Variants in SLC38A1 observed in about 807,000 individuals in gnomAD.
SLC38A1 encodes the protein solute carrier family 38 member 1, also known as sodium-coupled neutral amino acid symporter 1.
In SLC38A1, 18 loss-of-function variants were observed where a neutral mutation model predicts 60.3. The observed-to-expected ratio is 0.30, with a 90% CI of 0.21 to 0.44. The LOEUF (loss-of-function observed/expected upper bound fraction) is 0.44, where lower values mean the gene tolerates loss of function less well. SLC38A1 is among the 20% of genes least tolerant of loss of function. The pLI, the probability that SLC38A1 is intolerant of heterozygous loss-of-function variation, is 1.00. For synonymous variants in SLC38A1, 196 were observed against 212.1 expected (o/e 0.92, Z 0.66); for missense variants, 448 against 587.2 (o/e 0.76, Z 2.45).
At chr12:46,196,986 TA>T (rs1565750401) in intron 16 of SLC38A1, among the ~76,000 whole-genome samples, 1 of 152,206 alleles carries the variant, frequency 6.6e-6, no homozygotes, top group Non-Finnish European at 1.5e-5. Context: ...ACATTTTAAT[TA>T]AGGCATTGCA....
At chr12:46,261,529 T>C (rs1033204587) in intron 1 of SLC38A1, among the ~76,000 whole-genome samples, 2 of 152,128 alleles carry the variant, frequency 1.3e-5, no homozygotes, top group African/African-American at 4.8e-5. Flanking sequence ...CTGCAGACAA[T>C]ATATTCAGTG....
At chr12:46,251,555 G>T (rs1177971697) in intron 1 of SLC38A1, among the ~76,000 whole-genome samples, 2 of 152,154 alleles carry the variant, frequency 1.3e-5, no homozygotes, top group Admixed American at 1.3e-4. Flanking sequence ...AGAGTGAACA[G>T]GCAACCTACA....
At chr12:46,213,323 C>G (rs932393714) in intron 5 of SLC38A1, among the ~76,000 whole-genome samples, 4 of 152,160 alleles carry the variant, frequency 2.6e-5, no homozygotes, top group African/African-American at 9.7e-5. Flanking sequence ...ATCTTGTGTA[C>G]TTTTTTTGTC....
chr12:46,248,862 G>A (rs1309067833), intron 1 of SLC38A1, among the ~76,000 whole-genome samples: 1 of 152,062 alleles, frequency 6.6e-6, no homozygotes, highest in Non-Finnish European at 1.5e-5. Flanking sequence ...TCAGGATTCA[G>A]AAACTCACTC....
rs148082273 is a variant in SLC38A1, at chr12:46,195,867, C to T, written c.1362+1853G>A. On this transcript the variant is annotated intron_variant, in intron 16 of 16. Coordinates refer to ENST00000398637, the MANE Select transcript of SLC38A1 (RefSeq NM_030674.4). The stretch of plus-strand genomic sequence containing the variant: ...CCAGTTACAGTCTGTCATGGCTTCC[C>T]TTGGCTGGGAAAGGTAAATCCCCTG... 1,650 of 330,068 alleles carry T rather than the reference C, an allele frequency of 5.0e-3. 35 individuals are homozygous for T. The highest frequency in any genetic ancestry group is 0.033 in the African/African-American group (1,551 of 46,934). 20.4% of individuals were successfully genotyped at this position (330,068 alleles called of 1,614,324 possible).
chr12:46,262,619 T>C (rs182278419), intron 1 of SLC38A1, among the ~76,000 whole-genome samples: 35 of 152,378 alleles, frequency 2.3e-4, no homozygotes, highest in South Asian at 1.9e-3. Flanking sequence ...ATTGCTATTG[T>C]ACTAAAAAAG....
intron 14 of SLC38A1, among the ~76,000 whole-genome samples, chr12:46,198,331 T>G (rs1451555921): frequency 6.6e-6 from 1 of 152,192 alleles, no homozygotes. Flanking sequence ...TTTCTGTTCT[T>G]TTTATATTCT....
At position 46,243,233 on chromosome 12, in the gene SLC38A1, T is replaced by C. The variant is rs1256938536; in HGVS notation, c.-127A>G. ...TCAGCAAGCAGAGACGATCACTCTA[T>C]ATATATTGTTGTATGGCCTTCCAGG... On this transcript the variant is annotated 5_prime_UTR_variant, in exon 2 of 17. The change creates a new upstream start codon in the 5' untranslated region. Coordinates refer to ENST00000398637, the MANE Select transcript of SLC38A1 (RefSeq NM_030674.4). 1 of 152,032 alleles carries C rather than the reference T, an allele frequency of 6.6e-6. No individual in the cohort carries two copies. Among genetic ancestry groups the C allele is most frequent in the African/African-American group, 2.4e-5 (1 of 41,408 alleles). The allele number at this position is 152,032 out of a possible 1,614,324, so 9.4% of individuals were successfully genotyped here.
chr12:46,251,949 A>G (rs1941857110), intron 1 of SLC38A1, among the ~76,000 whole-genome samples: 1 of 152,202 alleles, frequency 6.6e-6, no homozygotes, highest in Non-Finnish European at 1.5e-5. Flanking sequence ...AAGGATCTAG[A>G]ACCAGAAATA....
intron 3 of SLC38A1, among the ~76,000 whole-genome samples, chr12:46,234,446 CTTTT>C (rs397791217): frequency 1.1e-4 from 15 of 140,684 alleles, no homozygotes; most frequent in African/African-American, 3.2e-4. Flanking sequence ...TTCTTTCTTT[CTTTT>C]TTTTTTTTTT....
chr12:46,268,655 C>T lies in SLC38A1; in HGVS notation c.-338G>A. 4.1e-6 allele frequency: 1 copy of T among 242,614 alleles called. No homozygotes were observed. Among genetic ancestry groups the T allele is most frequent in the East Asian group, 1.2e-4 (1 of 8,456 alleles). 15.0% of individuals were successfully genotyped at this position (242,614 alleles called of 1,614,324 possible). On this transcript the variant is annotated 5_prime_UTR_variant, in exon 1 of 17. Transcript: ENST00000398637. The surrounding 1 kb of genome is among the most constrained non-coding windows in gnomAD (Gnocchi z 4.4). ...GCGGAGGCCGGGAAAATGTGGCCCC[C>T]GTCAGTAAGGGTTGGGCAGGGAGCT...
At chr12:46,266,744 C>A (rs1408917272) in intron 1 of SLC38A1, among the ~76,000 whole-genome samples, 2 of 152,064 alleles carry the variant, frequency 1.3e-5, no homozygotes, top group Admixed American at 1.3e-4. Flanking sequence ...GCACAGTAAG[C>A]CCTCTGTAGA....
chr12:46,224,568 A>G (rs922441024), intron 5 of SLC38A1, among the ~76,000 whole-genome samples: 2 of 152,218 alleles, frequency 1.3e-5, no homozygotes, highest in African/African-American at 4.8e-5. Flanking sequence ...AGAAGCCTGG[A>G]CAGTCTTGGA....
At chr12:46,261,995 C>A (rs950492531) in intron 1 of SLC38A1, among the ~76,000 whole-genome samples, 1 of 152,184 alleles carries the variant, frequency 6.6e-6, no homozygotes, top group Non-Finnish European at 1.5e-5. Context: ...CAACAAAGAG[C>A]TGTCTGGCCC....
chr12:46,225,389 CA>C (rs1417556373), intron 5 of SLC38A1, among the ~76,000 whole-genome samples: 1 of 152,120 alleles, frequency 6.6e-6, no homozygotes, highest in African/African-American at 2.4e-5. Flanking sequence ...GGAAAGTATA[CA>C]ATATATGTTT....
chr12:46,226,962 G>A (rs1291109311), intron 5 of SLC38A1, among the ~76,000 whole-genome samples: 6 of 151,406 alleles, frequency 4.0e-5, no homozygotes, highest in African/African-American at 2.4e-5. Flanking sequence ...CCCAATGCCT[G>A]ACACAATTGA....
intron 1 of SLC38A1, among the ~76,000 whole-genome samples, chr12:46,246,945 C>T (rs959987063): frequency 3.3e-5 from 5 of 152,210 alleles, no homozygotes; most frequent in African/African-American, 4.8e-5. Context: ...AGGGACCTGA[C>T]TGTTAAAAGG....
intron 16 of SLC38A1, among the ~76,000 whole-genome samples, chr12:46,195,369 G>T (rs1186924344): frequency 2.0e-5 from 3 of 152,190 alleles, no homozygotes; most frequent in African/African-American, 7.2e-5. Context: ...TGATGGGGAG[G>T]TGTTTCCCAG....
At chr12:46,250,930 T>C (rs1208192087) in intron 1 of SLC38A1, among the ~76,000 whole-genome samples, 1 of 152,188 alleles carries the variant, frequency 6.6e-6, no homozygotes, top group Non-Finnish European at 1.5e-5. Flanking sequence ...AGGTAATGTA[T>C]AGATTCAATG....
Sources: allele counts gnomAD v4.1 joint callset (sites outside exome capture counted in the v4.1 genomes callset), GRCh38; gene constraint gnomAD v4.1.1; non-coding constraint Gnocchi (gnomAD v3.1); transcripts MANE v1.5; gene names NCBI Gene and HGNC (gene_info 2026-07-23, HGNC 2026-07-21).